ATP6V1E1: variants seen among roughly 807,000 people sequenced by gnomAD.
The protein encoded by ATP6V1E1 is V-type proton ATPase subunit E 1.
Under a neutral mutation model 35.2 loss-of-function variants are expected in ATP6V1E1, and 21 were observed. The observed-to-expected ratio is 0.60, with a 90% CI of 0.42 to 0.86. The LOEUF is 0.86. Among genes scored for constraint, ATP6V1E1 ranks in the 40% least tolerant of loss-of-function variants. ATP6V1E1 has a pLI of 0.00. For synonymous variants in ATP6V1E1, 83 were observed against 87.8 expected (o/e 0.95, Z 0.30); for missense variants, 183 against 272.6 (o/e 0.67, Z 2.32).
intron 1 of ATP6V1E1, among the ~76,000 whole-genome samples, chr22:17,626,044 T>C (rs5747292): frequency 0.37 from 56,854 of 151,688 alleles, 11,914 homozygotes; most frequent in African/African-American, 0.56. Flanking sequence ...CGGTAGCTCA[T>C]GCCTGTAATC....
At chr22:17,627,818 CAAAAAA>C (rs71201846) in intron 1 of ATP6V1E1, among the ~76,000 whole-genome samples, 1 of 105,132 alleles carries the variant, frequency 9.5e-6, no homozygotes, top group East Asian at 3.4e-4. Context: ...GACTCCGTCT[CAAAAAA>C]AAAAAAAAGA....
chr22:17,619,664 T>TCA, intron 1 of ATP6V1E1, 138 bp from the exon 2 acceptor site: 1 of 704,142 alleles, frequency 1.4e-6, no homozygotes, highest in Non-Finnish European at 2.3e-6. Flanking sequence ...GGAGGGAGGA[T>TCA]TGCTTTAGGC....
At chr22:17,609,125 AC>A (rs1349357851) in intron 4 of ATP6V1E1, among the ~76,000 whole-genome samples, 10,607 of 151,234 alleles carry the variant, frequency 0.07, 1,253 homozygotes, top group African/African-American at 0.24. Context: ...AAACAAACAA[AC>A]AAACAAACAA....
In ATP6V1E1 at chr22:17,609,388, G is replaced by A. The variant is rs555103366; in HGVS notation, c.276+3424C>T. On this transcript the variant is annotated intron_variant, in intron 4 of 8. Transcript: ENST00000253413. ...TTGGCCGGGCTGGTCTCAAACTCCT[G>A]ACCTCAAGTGATCCATCCGCCTCAT... Among the ~76,000 whole-genome samples, 20 of 150,070 alleles carry A rather than the reference G, an allele frequency of 1.3e-4. No homozygotes were observed. The East Asian group carries it at 3.8e-3, about 29-fold the overall frequency.
rs565073790 is a variant in ATP6V1E1, at chr22:17,592,380, G to C, written c.*294C>G. 7.3e-6 allele frequency: 3 copies of C among 412,368 alleles called. No individual in the cohort carries two copies. Among genetic ancestry groups the C allele is most frequent in the Admixed American group, 7.3e-5 (2 of 27,246 alleles). The allele number at this position is 412,368 out of a possible 1,614,324, so 25.5% of individuals were successfully genotyped here. ...ACCTTTAGGCCAGACGGAGAGTGGA[G>C]ACCCAGGAAGCCCATGCAACCACCA... On this transcript the variant is annotated 3_prime_UTR_variant, in exon 9 of 9. Coordinates refer to ENST00000253413, the MANE Select transcript of ATP6V1E1 (RefSeq NM_001696.4).
intron 1 of ATP6V1E1, among the ~76,000 whole-genome samples, chr22:17,628,039 C>T (rs2057929982): frequency 6.8e-6 from 1 of 148,072 alleles, no homozygotes; most frequent in Non-Finnish European, 1.5e-5. Context: ...TGCTGGAGTG[C>T]AAAGGCGCGA....
rs561416476 is a variant in ATP6V1E1, at chr22:17,592,465, T to G, written c.*209A>C. Reference sequence around the variant, plus strand: ...GACACTGTCACACTTTCAGAAGAACTGGAGGTGGGTCCTGATCATATTACA... The same window carrying G: ...GACACTGTCACACTTTCAGAAGAACGGGAGGTGGGTCCTGATCATATTACA... On this transcript the variant is annotated 3_prime_UTR_variant, in exon 9 of 9. Transcript: ENST00000253413. The G allele has an allele frequency of 1.8e-6, 1 of 567,802 alleles. No homozygotes were observed. Among genetic ancestry groups the G allele is most frequent in the East Asian group, 3.0e-5 (1 of 33,104 alleles). The allele number at this position is 567,802 out of a possible 1,614,324, so 35.2% of individuals were successfully genotyped here.
chr22:17,627,552 C>G (rs557931572), intron 1 of ATP6V1E1, among the ~76,000 whole-genome samples: 3 of 151,740 alleles, frequency 2.0e-5, no homozygotes, highest in Non-Finnish European at 4.4e-5. Context: ...GGCGCGTTGG[C>G]TCATGCCTGT....
intron 4 of ATP6V1E1, among the ~76,000 whole-genome samples, chr22:17,607,351 T>A (rs2057792003): frequency 6.6e-6 from 1 of 151,890 alleles, no homozygotes; most frequent in South Asian, 2.1e-4. Flanking sequence ...AGAGATGGGG[T>A]TTCACCATGT....
At chr22:17,627,867 C>A (rs1347008491) in intron 1 of ATP6V1E1, among the ~76,000 whole-genome samples, 1 of 149,272 alleles carries the variant, frequency 6.7e-6, no homozygotes, top group African/African-American at 2.5e-5. Context: ...ATAAAGTGAA[C>A]GACCTTGTCA....
chr22:17,593,144 A>G (rs2057713522), intron 8 of ATP6V1E1, among the ~76,000 whole-genome samples: 1 of 152,092 alleles, frequency 6.6e-6, no homozygotes, highest in African/African-American at 2.4e-5. Flanking sequence ...TGTGGCTGGG[A>G]AGGACTCACA....
chr22:17,599,007 C>G (rs190070699), intron 6 of ATP6V1E1, among the ~76,000 whole-genome samples: 1 of 152,214 alleles, frequency 6.6e-6, no homozygotes, highest in East Asian at 1.9e-4. Flanking sequence ...GCCATTCTGA[C>G]CCACCCTACA....
At chr22:17,601,022 G>T in intron 5 of ATP6V1E1, 70 bp downstream of exon 5, 1 of 1,225,526 alleles carries the variant, frequency 8.2e-7, no homozygotes, top group Non-Finnish European at 1.1e-6. Flanking sequence ...AATAGAGCTG[G>T]TCTCTAATAG....
At position 17,628,703 on chromosome 22, in the gene ATP6V1E1, A is replaced by C; in HGVS notation, c.-68T>G. 1 of 1,604,240 alleles carries C rather than the reference A, an allele frequency of 6.2e-7. No individual in the cohort carries two copies. The highest frequency in any genetic ancestry group is 8.5e-7 in the Non-Finnish European group (1 of 1,171,370). ...AGGTTTGAAAGGTGAGGTGAGAGAA[A>C]TCGGCAAAGGGAACCCCTGCGCAGA... On this transcript the variant is annotated 5_prime_UTR_variant, in exon 1 of 9. Coordinates refer to ENST00000253413, the MANE Select transcript of ATP6V1E1 (RefSeq NM_001696.4).
At chr22:17,619,124 T>A (rs888501465) in intron 2 of ATP6V1E1, 1 of 447,936 alleles carries the variant, frequency 2.2e-6, no homozygotes. Flanking sequence ...AAACCCCGTC[T>A]CTACTAAAAA....
rs117495794 is a variant in ATP6V1E1 at position 17,597,419 on chromosome 22, G to C, written c.530+775C>G. On this transcript the variant is annotated intron_variant, in intron 7 of 8. Transcript: ENST00000253413. ...TGTTAGGAACACTGATCCCAGAAAT[G>C]TTCTGTCATTTCCTCACAGTCATAA... Among the ~76,000 whole-genome samples the C allele has an allele frequency of 3.6e-3, 550 of 152,018 alleles. 1 individual carries two copies. The highest frequency in any genetic ancestry group is 6.5e-3 in the Non-Finnish European group (443 of 68,024).
At chr22:17,615,338 T>C (rs1269075918) in intron 2 of ATP6V1E1, among the ~76,000 whole-genome samples, 3 of 152,098 alleles carry the variant, frequency 2.0e-5, no homozygotes, top group East Asian at 3.9e-4. Context: ...AATTTTATTA[T>C]ACATTATTTT....
At chr22:17,625,544 G>A (rs542423583) in intron 1 of ATP6V1E1, among the ~76,000 whole-genome samples, 7 of 131,438 alleles carry the variant, frequency 5.3e-5, no homozygotes, top group African/African-American at 1.7e-4. Flanking sequence ...GCCTCCCAAA[G>A]TGCTGGGATT....
chr22:17,604,526 C>CTTTT lies in ATP6V1E1; in HGVS notation c.277-3349_277-3346dup, dbSNP rs66549570. On this transcript the variant is annotated intron_variant, in intron 4 of 8. Coordinates refer to ENST00000253413, the MANE Select transcript of ATP6V1E1 (RefSeq NM_001696.4). ...GTGGGCATTTATTTCTTTGTTTTCT[C>CTTTT]TTTTTTTTTTTGAGACGGAGTCTCG... 6.9e-5 allele frequency among the ~76,000 whole-genome samples: 10 copies of CTTTT among 144,908 alleles called. 2 individuals are homozygous for CTTTT. Among genetic ancestry groups the CTTTT allele is most frequent in the Admixed American group, 2.1e-4 (3 of 14,568 alleles).
Sources: gnomAD v4.1 joint callset for allele counts (sites outside exome capture counted in the v4.1 genomes callset) on GRCh38, gnomAD v4.1.1 for gene constraint, MANE v1.5 for transcripts, NCBI Gene and HGNC (gene_info 2026-07-23, HGNC 2026-07-21) for gene names.